Variants in HMSD observed in about 807,000 individuals in gnomAD.
HMSD encodes the protein histocompatibility minor serpin domain containing.
A neutral mutation model predicts 10.0 loss-of-function variants in HMSD; 13 were observed. That is an observed-to-expected ratio of 1.31 (90% CI 0.85 to 2.08). The LOEUF (loss-of-function observed/expected upper bound fraction) is 2.08, where lower values mean the gene tolerates loss of function less well. HMSD is among the 30% of genes most tolerant of loss of function. The probability of loss-of-function intolerance (pLI) is 0.00; values close to 1 mark genes in which losing one functional copy is unlikely to be tolerated. For synonymous variants in HMSD, 51 were observed against 54.2 expected, an observed-to-expected ratio of 0.94 and a Z score of 0.26; for missense variants, 169 against 166.3, an observed-to-expected ratio of 1.02 and a Z score of -0.09.
Position 63,960,199 on chromosome 18 carries a change from A to G in HMSD, c.264A>G (p.Ile88Met). Residue 88 changes from isoleucine to methionine, a missense_variant, in exon 4 of 4, where the codon ATA (isoleucine) becomes ATG (methionine). Transcript: ENST00000408945. ...DSCGKFYQAT[I>M]KQLDFVNDTE... ...GTGGCAAATTCTACCAAGCAACGAT[A>G]AAACAGCTAGACTTTGTGAATGATA... 5 of 1,612,820 alleles carry G rather than the reference A, an allele frequency of 3.1e-6. No homozygotes were observed. The South Asian group carries it at 5.5e-5, about 18-fold the overall frequency.
Position 63,960,303 on chromosome 18 carries a change from A to T in HMSD, c.368A>T (p.Asp123Val). 6.2e-7 allele frequency: 1 copy of T among 1,605,568 alleles called. No individual in the cohort carries two copies. The highest frequency in any genetic ancestry group is 8.5e-7 in the Non-Finnish European group (1 of 1,175,654). The change falls in exon 4 of 4, where the codon GAT (aspartate) becomes GTT (valine). Residue 123 changes from aspartate (D) to valine (V), a missense_variant. Physicochemically the swap from Asp to Val is radical, Grantham distance 152. Coordinates refer to ENST00000408945, the MANE Select transcript of HMSD (RefSeq NM_001123366.2). ...KGENILLFYF[D>V]NILNSFIVSS... The stretch of plus-strand genomic sequence containing the variant: ...GAAAATATATTGTTATTCTATTTCG[A>T]TAATATTTTAAACAGTTTTATAGTC...
chr18:63,958,991 A>G (rs2050373005), intron 3 of HMSD, among the ~76,000 whole-genome samples: 1 of 152,118 alleles, frequency 6.6e-6, no homozygotes, highest in African/African-American at 2.4e-5. Context: ...CACCATTTGT[A>G]AAAAAGAAAA....
downstream of HMSD, among the ~76,000 whole-genome samples, chr18:63,962,234 G>A (rs915215312): frequency 6.6e-6 from 1 of 152,202 alleles, no homozygotes; most frequent in Non-Finnish European, 1.5e-5. Flanking sequence ...AGCTAGCAAC[G>A]AGGTAGAATG....
At chr18:63,963,509 T>A (rs753778127), downstream of HMSD, among the ~76,000 whole-genome samples, 15 of 152,304 alleles carry the variant, frequency 9.8e-5, no homozygotes, top group South Asian at 1.0e-3. Flanking sequence ...ATTACAGACA[T>A]GAGCCACCGC....
downstream of HMSD, chr18:63,966,819 A>C (rs1218553048): frequency 2.0e-5 from 3 of 152,210 alleles, no homozygotes; most frequent in African/African-American, 4.8e-5. Context: ...TGAATTCTTC[A>C]TGGGACTCTG....
Position 63,959,715 on chromosome 18 carries a change from G to C in HMSD, c.223-443G>C, listed in dbSNP as rs991504052. ...TACTAATTTTCTGCTTGCTGGATCT[G>C]TTCATTCCTGATAGAGGGATATTGA... On this transcript the variant is annotated intron_variant, in intron 3 of 3. Transcript: ENST00000408945. Among the ~76,000 whole-genome samples, 7 of 152,190 alleles carry C rather than the reference G, an allele frequency of 4.6e-5. No homozygotes were observed. The South Asian group carries it at 1.5e-3, about 32-fold the overall frequency.
At chr18:63,953,103 C>T (rs2050339557) in intron 1 of HMSD, among the ~76,000 whole-genome samples, 1 of 152,202 alleles carries the variant, frequency 6.6e-6, no homozygotes, top group African/African-American at 2.4e-5. Context: ...ATCTCAGGCA[C>T]AACAGACTTA....
chr18:63,960,382 C>A lies in HMSD; in HGVS notation c.*27C>A. On this transcript the variant is annotated 3_prime_UTR_variant, in exon 4 of 4. Transcript: ENST00000408945. The stretch of plus-strand genomic sequence containing the variant: ...AAGGAGTCCTTTTTTCTCTAAACAA[C>A]TATGCAAACATTAAAACCTTTCTTT... 1 of 1,548,802 alleles carries A rather than the reference C, an allele frequency of 6.5e-7. No homozygotes were observed. The highest frequency in any genetic ancestry group is 8.7e-7 in the Non-Finnish European group (1 of 1,150,362).
At chr18:63,964,655 G>A (rs1177756540), downstream of HMSD, among the ~76,000 whole-genome samples, 1 of 152,104 alleles carries the variant, frequency 6.6e-6, no homozygotes, top group Non-Finnish European at 1.5e-5. Context: ...TTCTGAAGAG[G>A]GCTCTATTCC....
chr18:63,963,132 TC>T (rs780315128), downstream of HMSD, among the ~76,000 whole-genome samples: 558 of 128,640 alleles, frequency 4.3e-3, 5 homozygotes, highest in Non-Finnish European at 5.3e-3. Context: ...TTTCTTTCTT[TC>T]CTTTCTTTCT....
intron 1 of HMSD, among the ~76,000 whole-genome samples, chr18:63,951,802 A>G (rs1050182016): frequency 6.6e-5 from 10 of 152,170 alleles, no homozygotes; most frequent in Admixed American, 3.9e-4. Context: ...AATGTCAAAA[A>G]TTGTGGGGTT....
At chr18:63,955,313 C>T (rs1349727492) in intron 3 of HMSD, among the ~76,000 whole-genome samples, 4 of 152,174 alleles carry the variant, frequency 2.6e-5, no homozygotes, top group African/African-American at 9.7e-5. Context: ...CTTTTTAACC[C>T]TTGTCTGGTA....
chr18:63,956,457 C>T (rs969934319), intron 3 of HMSD, among the ~76,000 whole-genome samples: 2 of 151,974 alleles, frequency 1.3e-5, no homozygotes, highest in East Asian at 1.9e-4. Flanking sequence ...ATGACATATG[C>T]GTGGCCAACA....
chr18:63,958,479 A>G (rs1407904493), intron 3 of HMSD, among the ~76,000 whole-genome samples: 1 of 152,196 alleles, frequency 6.6e-6, no homozygotes, highest in African/African-American at 2.4e-5. Context: ...AAACAATTCT[A>G]TAATGCATGG....
rs1444467295 is a variant in HMSD at position 63,954,462 on chromosome 18, C to T, written c.127C>T (p.Gln43Ter). ...AGATGGAGATATTCATCGAGGTTTT[C>T]AGTCACTTCTTGTTGCAATTAACAG... ...GEDGDIHRGF[Q>*]SLLVAINRTD... is the part of the protein sequence containing the mutation. The change falls in exon 3 of 4, where the codon CAG becomes TAG. Residue 43 changes from glutamine (Q) to a stop codon, truncating the protein, a stop_gained. Transcript: ENST00000408945. LOFTEE classifies it high-confidence loss of function. 6.2e-7 allele frequency: 1 copy of T among 1,613,468 alleles called. No homozygotes were observed. Among genetic ancestry groups the T allele is most frequent in the Non-Finnish European group, 8.5e-7 (1 of 1,179,426 alleles).
At chr18:63,964,435 G>A (rs1163820254), downstream of HMSD, among the ~76,000 whole-genome samples, 1 of 152,188 alleles carries the variant, frequency 6.6e-6, no homozygotes, top group Non-Finnish European at 1.5e-5. Context: ...AGCTACTCAG[G>A]AGGCTGAGCC....
At chr18:63,963,129 C>CT (rs1476344332), downstream of HMSD, among the ~76,000 whole-genome samples, 56 of 123,616 alleles carry the variant, frequency 4.5e-4, no homozygotes, top group Non-Finnish European at 5.5e-4. Flanking sequence ...TTCTTTCTTT[C>CT]TTTCCTTTCT....
chr18:63,964,659 C>T (rs2050402822), downstream of HMSD, among the ~76,000 whole-genome samples: 1 of 152,198 alleles, frequency 6.6e-6, no homozygotes. Flanking sequence ...GAAGAGGGCT[C>T]TATTCCTGGT....
intron 3 of HMSD, among the ~76,000 whole-genome samples, chr18:63,958,694 T>C (rs962092196): frequency 6.6e-6 from 1 of 152,120 alleles, no homozygotes; most frequent in South Asian, 2.1e-4. Flanking sequence ...TTCCATGAAA[T>C]TAATTATTCA....
Sources: gnomAD v4.1 joint callset for allele counts (sites outside exome capture counted in the v4.1 genomes callset) on GRCh38, gnomAD v4.1.1 for gene constraint, MANE v1.5 for transcripts, NCBI Gene and HGNC (gene_info 2026-07-23, HGNC 2026-07-21) for gene names.